RAPGEF3: variants seen among roughly 807,000 people sequenced by gnomAD.
RAPGEF3 encodes the protein 9330170P05Rik.
Under a neutral mutation model 129.8 loss-of-function variants are expected in RAPGEF3, and 103 were observed. The observed-to-expected ratio is 0.79, with a 90% CI of 0.68 to 0.93. The LOEUF (loss-of-function observed/expected upper bound fraction) is 0.93. Among genes scored for constraint, RAPGEF3 ranks in the 40% least tolerant of loss-of-function variants. The pLI, the probability that RAPGEF3 is intolerant of heterozygous loss-of-function variation, is 0.00. For synonymous variants in RAPGEF3, 436 were observed against 482.6 expected (o/e 0.90, Z 1.26); for missense variants, 1,117 against 1,207.4 (o/e 0.93, Z 1.11).
In RAPGEF3 at chr12:47,750,266, C is replaced by T. The variant is rs1941666666; in HGVS notation, c.756+75G>A. 53 of 1,440,250 alleles carry T rather than the reference C, an allele frequency of 3.7e-5. 1 individual carries two copies. In the South Asian group the frequency reaches 5.7e-4, roughly 15 times the overall value. 89.2% of individuals were successfully genotyped at this position (1,440,250 alleles called of 1,614,324 possible). ...AGTGGAGAAATGCCCTCTGGCCCAG[C>T]AGTTGGAGTTTCAGGGAAGTCACAG... On this transcript the variant is annotated intron_variant, in intron 7 of 27. Coordinates refer to ENST00000449771, the MANE Select transcript of RAPGEF3 (RefSeq NM_001098531.4).
At position 47,752,146 on chromosome 12, in the gene RAPGEF3, C is replaced by T. The variant is rs141483398; in HGVS notation, c.220-177G>A. Among the ~76,000 whole-genome samples, 18 of 152,276 alleles carry T rather than the reference C, an allele frequency of 1.2e-4. 1 individual carries two copies. The highest frequency in any genetic ancestry group is 4.3e-4 in the African/African-American group (18 of 41,542). On this transcript the variant is annotated intron_variant, in intron 2 of 27. Transcript: ENST00000449771. Reference sequence around the variant, plus strand: ...ACTCAGCACCCTGTGCCCCGGGCATCGCCTCTTCCCACCCTGCCATCCTGA... The same window carrying T: ...ACTCAGCACCCTGTGCCCCGGGCATTGCCTCTTCCCACCCTGCCATCCTGA...
chr12:47,738,019 T>TA lies in RAPGEF3; in HGVS notation c.2653+2dup, dbSNP rs1468723802. Reference sequence around the variant, plus strand: ...TGCCCACCCACCATCGCCCACCACTTACATGTGGAAATCCTCGCCACCTGG... The same window carrying TA: ...TGCCCACCCACCATCGCCCACCACTTAACATGTGGAAATCCTCGCCACCTGG... On this transcript the variant is annotated splice_region_variant and intron_variant, in intron 27 of 27. Coordinates refer to ENST00000449771, the MANE Select transcript of RAPGEF3 (RefSeq NM_001098531.4). The TA allele has an allele frequency of 2.5e-6, 4 of 1,604,722 alleles. No homozygotes were observed. Among genetic ancestry groups the TA allele is most frequent in the Non-Finnish European group, 3.4e-6 (4 of 1,174,152 alleles).
At position 47,739,484 on chromosome 12, in the gene RAPGEF3, C is replaced by T. The variant is rs1941007851; in HGVS notation, c.2374-254G>A. On this transcript the variant is annotated intron_variant, in intron 23 of 27. Transcript: ENST00000449771. The stretch of plus-strand genomic sequence containing the variant: ...TTCTTGGAAAAGTCTGTCACTGTCA[C>T]CTCTCTGTCCCTTTCTATCCCTGTC... 5.9e-6 allele frequency: 4 copies of T among 677,314 alleles called. No individual in the cohort carries two copies. In the South Asian group the frequency reaches 6.1e-5, roughly 10 times the overall value. The allele number at this position is 677,314 out of a possible 1,614,324, so 42.0% of individuals were successfully genotyped here.
At position 47,751,224 on chromosome 12, in the gene RAPGEF3, G is replaced by C; in HGVS notation, c.503-8C>G. On this transcript the variant is annotated splice_polypyrimidine_tract_variant and splice_region_variant and intron_variant, in intron 5 of 27. Transcript: ENST00000449771. Reference sequence around the variant, plus strand: ...AGGCCCAGTCGTGTTTCACTGGGGGGCAGAGGCCCAGGCGTGGGGGAGGAG... The same window carrying C: ...AGGCCCAGTCGTGTTTCACTGGGGGCCAGAGGCCCAGGCGTGGGGGAGGAG... 6.5e-7 allele frequency: 1 copy of C among 1,548,786 alleles called. No homozygotes were observed. The highest frequency in any genetic ancestry group is 8.7e-7 in the Non-Finnish European group (1 of 1,145,552).
chr12:47,746,712 G>C, intron 16 of RAPGEF3, 148 bp downstream of exon 16: 1 of 961,144 alleles, frequency 1.0e-6, no homozygotes, highest in Non-Finnish European at 1.6e-6. Flanking sequence ...CATGCAGCAA[G>C]GGCCCCGTGA....
chr12:47,749,889 C>T lies in RAPGEF3; in HGVS notation c.817+41G>A. On this transcript the variant is annotated intron_variant, in intron 8 of 27. Coordinates refer to ENST00000449771, the MANE Select transcript of RAPGEF3 (RefSeq NM_001098531.4). This position sits in a 1 kb window ranked among gnomAD's most constrained non-coding sequence, Gnocchi z 4.5. ...CCTTCACACATCCTTCTGCCCATGT[C>T]CAGGCCCTGTGCCTGGCTTCTTATG... 1 of 1,614,034 alleles carries T rather than the reference C, an allele frequency of 6.2e-7. No homozygotes were observed. Among genetic ancestry groups the T allele is most frequent in the Non-Finnish European group, 8.5e-7 (1 of 1,179,844 alleles).
chr12:47,747,780 C>G lies in RAPGEF3; in HGVS notation c.1405G>C (p.Val469Leu), dbSNP rs1247362018. The G allele has an allele frequency of 6.2e-7, 1 of 1,608,372 alleles. No homozygotes were observed. Among genetic ancestry groups the G allele is most frequent in the Non-Finnish European group, 8.5e-7 (1 of 1,179,992 alleles). The stretch of plus-strand genomic sequence containing the variant: ...CCATACAGGGCCACCCACTGGCTGA[C>G]CAGCCGCAAGATCTGCTGCCTCTTG... Reference protein sequence around the residue: ...CNKRQQILRLVSQWVALYGSM... With the variant: ...CNKRQQILRLLSQWVALYGSM... Residue 469 changes from valine to leucine, a missense_variant, in exon 14 of 28, where the codon GTC becomes CTC. Coordinates refer to ENST00000449771, the MANE Select transcript of RAPGEF3 (RefSeq NM_001098531.4).
Position 47,737,755 on chromosome 12 carries a change from G to A in RAPGEF3, c.2654-70C>T, listed in dbSNP as rs533120610. The A allele has an allele frequency of 2.1e-6, 3 of 1,411,914 alleles. No homozygotes were observed. In the African/African-American group the frequency reaches 4.2e-5, roughly 20 times the overall value. The allele number at this position is 1,411,914 out of a possible 1,614,324, so 87.5% of individuals were successfully genotyped here. On this transcript the variant is annotated intron_variant, in intron 27 of 27. Transcript: ENST00000449771. ...GAACCCAACCTTTCCCCTCCAAGGAGCCATATCACATCTGCCTTCTTGCCC... is the reference window on the plus strand; with the variant it reads ...GAACCCAACCTTTCCCCTCCAAGGAACCATATCACATCTGCCTTCTTGCCC...
intron 19 of RAPGEF3, 132 bp from the exon 20 acceptor site, chr12:47,741,172 G>C (rs1436753416): frequency 8.4e-7 from 1 of 1,183,540 alleles, no homozygotes; most frequent in Non-Finnish European, 1.2e-6. Context: ...GTGGGGAGTA[G>C]AGGGTCTCTA....
intron 23 of RAPGEF3, chr12:47,739,936 C>T: frequency 3.1e-6 from 2 of 636,838 alleles, no homozygotes; most frequent in South Asian, 3.6e-5. Flanking sequence ...CGTGCAACCC[C>T]TATCCTAGTG....
Position 47,741,019 on chromosome 12 carries a change from C to G in RAPGEF3, c.1945G>C (p.Gly649Arg), listed in dbSNP as rs1941129095. The change falls in exon 20 of 28, where the codon GGG (glycine) becomes CGG (arginine). Residue 649 changes from glycine to arginine, a missense_variant. Transcript: ENST00000449771. ...HELIPHPDQL[G>R]PTVGSAEGLD... ...CCCTCAGCAGAGCCCACAGTGGGCC[C>G]CAGCTGGTCAGGGTGTGGGATCTGC... 1 of 1,612,644 alleles carries G rather than the reference C, an allele frequency of 6.2e-7. No homozygotes were observed. Among genetic ancestry groups the G allele is most frequent in the Non-Finnish European group, 8.5e-7 (1 of 1,179,566 alleles).
At chr12:47,750,242 G>A (rs1425850920) in intron 7 of RAPGEF3, 99 bp downstream of exon 7, 14 of 1,311,156 alleles carry the variant, frequency 1.1e-5, no homozygotes, top group Admixed American at 1.7e-5. Context: ...ATAGATGGAA[G>A]TGGAGAAATG....
rs1438302362 is a variant in RAPGEF3, at chr12:47,737,293, C to T, written c.*274G>A. On this transcript the variant is annotated 3_prime_UTR_variant, in exon 28 of 28. Coordinates refer to ENST00000449771, the MANE Select transcript of RAPGEF3 (RefSeq NM_001098531.4). ...CTCTCTATTGCACACAACGTCCCAG[C>T]GCACTCCACTCTCCACCCACTCCTG... The T allele has an allele frequency of 6.3e-6, 3 of 478,266 alleles. No individual in the cohort carries two copies. The highest frequency in any genetic ancestry group is 2.0e-5 in the African/African-American group (1 of 51,042). The allele number at this position is 478,266 out of a possible 1,614,324, so 29.6% of individuals were successfully genotyped here.
chr12:47,737,992 C>T (rs1433305782), intron 27 of RAPGEF3, 30 bp downstream of exon 27: 3 of 1,581,996 alleles, frequency 1.9e-6, no homozygotes, highest in South Asian at 1.1e-5. Flanking sequence ...GCACCCCCTC[C>T]CTGCCCACCC....
At chr12:47,744,950 CTTCCACATGAA>C (rs1941348471) in intron 16 of RAPGEF3, 1 of 152,390 alleles carries the variant, frequency 6.6e-6, no homozygotes, top group East Asian at 1.9e-4. Context: ...CCCCTGCATC[CTTCCACATGAA>C]TGATCCATTA....
chr12:47,740,167 G>A lies in RAPGEF3; in HGVS notation c.2347C>T (p.Leu783=). The change falls in exon 23 of 28, where the codon CTG becomes TTG. Residue 783 remains leucine (L), a synonymous_variant. Transcript: ENST00000449771. ...WERLPHKVRK[L]YSALERLLDP... is the part of the protein sequence containing the mutation. ...AGCAGCCTCTCGAGGGCGGAGTACA[G>A]CTTCCGGACTTTGTGAGGCAGCCGC... 1 of 1,613,640 alleles carries A rather than the reference G, an allele frequency of 6.2e-7. No individual in the cohort carries two copies. The highest frequency in any genetic ancestry group is 1.1e-5 in the South Asian group (1 of 91,014).
chr12:47,757,936 C>A lies in RAPGEF3; in HGVS notation c.149G>T (p.Arg50Leu), dbSNP rs555142030. Residue 50 changes from arginine to leucine, a missense_variant, in exon 2 of 28, where the codon CGG (arginine) becomes CTG (leucine). This residue lies in a region of RAPGEF3 where 367 missense variants were observed against 373.4 expected (regional missense o/e 0.98). Coordinates refer to ENST00000449771, the MANE Select transcript of RAPGEF3 (RefSeq NM_001098531.4). ...CAGCTGGTAGGAGCAGCTTCGGGGC[C>A]GGTGCATCCTTCTCAACACCATGTT... is the stretch of plus-strand genomic sequence containing the variant. ...LLNMVLRRMH[R>L]PRSCSYQLLL... is the part of the protein sequence containing the mutation. 9.6e-6 allele frequency: 15 copies of A among 1,557,494 alleles called. No homozygotes were observed. The South Asian group carries it at 1.5e-4, about 16-fold the overall frequency.
At chr12:47,747,031 A>G in intron 15 of RAPGEF3, 132 bp from the exon 16 acceptor site, 1 of 838,388 alleles carries the variant, frequency 1.2e-6, no homozygotes, top group Non-Finnish European at 1.9e-6. Flanking sequence ...GGTAAGTATC[A>G]CATAAAGAGG....
chr12:47,752,231 T>G (rs1941795954), intron 2 of RAPGEF3, among the ~76,000 whole-genome samples: 1 of 152,222 alleles, frequency 6.6e-6, no homozygotes, highest in Non-Finnish European at 1.5e-5. Context: ...ACACCCATTC[T>G]GCTTACTCAG....
Sources: allele counts gnomAD v4.1 joint callset (sites outside exome capture counted in the v4.1 genomes callset), GRCh38; gene constraint gnomAD v4.1.1; regional missense constraint gnomAD v4.1.1; non-coding constraint Gnocchi (gnomAD v3.1); transcripts MANE v1.5; gene names NCBI Gene and HGNC (gene_info 2026-07-23, HGNC 2026-07-21).